MCCC1: variants seen among roughly 807,000 people sequenced by gnomAD.
The protein encoded by MCCC1 is methylcrotonyl-CoA carboxylase subunit 1, also known as methylcrotonoyl-CoA carboxylase subunit alpha, mitochondrial.
A neutral mutation model predicts 83.8 loss-of-function variants in MCCC1; 64 were observed. The observed-to-expected ratio is 0.76, with a 90% CI of 0.62 to 0.94. MCCC1 has a LOEUF of 0.94. MCCC1 is among the 40% of genes least tolerant of loss of function. The pLI is 0.00. For synonymous variants in MCCC1, 322 were observed against 315.4 expected, an observed-to-expected ratio of 1.02 and a Z score of -0.22; for missense variants, 807 against 904.7, an observed-to-expected ratio of 0.89 and a Z score of 1.39.
At chr3:183,067,998 G>C (rs936718573) in intron 7 of MCCC1, among the ~76,000 whole-genome samples, 5 of 151,960 alleles carry the variant, frequency 3.3e-5, no homozygotes, top group African/African-American at 1.2e-4. Context: ...TCTCTATACT[G>C]AACACAAGAG....
intron 3 of MCCC1, among the ~76,000 whole-genome samples, chr3:183,091,958 AG>A (rs1392929440): frequency 6.6e-6 from 1 of 152,106 alleles, no homozygotes; most frequent in Non-Finnish European, 1.5e-5. Flanking sequence ...GAATCGAGGC[AG>A]GAGAATCGCT....
chr3:183,044,844 C>G (rs1403258358), intron 10 of MCCC1, among the ~76,000 whole-genome samples: 1 of 152,084 alleles, frequency 6.6e-6, no homozygotes, highest in African/African-American at 2.4e-5. Flanking sequence ...AAGAACTGAA[C>G]CCCGTCCAAA....
intron 8 of MCCC1, among the ~76,000 whole-genome samples, chr3:183,054,351 A>AT (rs1007473696): frequency 1.2e-3 from 174 of 149,138 alleles, no homozygotes; most frequent in Non-Finnish European, 1.8e-3. Context: ...ATGCCCGGCT[A>AT]TTTTTTTTTG....
At chr3:183,027,866 A>C (rs1163183457) in intron 14 of MCCC1, among the ~76,000 whole-genome samples, 1 of 152,232 alleles carries the variant, frequency 6.6e-6, no homozygotes, top group Non-Finnish European at 1.5e-5. Flanking sequence ...CTGGTTCATG[A>C]GGTTCAAGAT....
intron 1 of MCCC1, among the ~76,000 whole-genome samples, chr3:183,095,436 C>T (rs1020976010): frequency 2.0e-5 from 3 of 152,180 alleles, no homozygotes; most frequent in South Asian, 2.1e-4. Context: ...GAGAAATAAA[C>T]GGAAGTTAAA....
chr3:183,044,438 C>A, intron 10 of MCCC1, among the ~76,000 whole-genome samples: 1 of 152,138 alleles, frequency 6.6e-6, no homozygotes. Context: ...CATAGCAATG[C>A]CAAAATGCTT....
At chr3:183,099,160 A>G (rs1718962393) in intron 1 of MCCC1, 192 bp downstream of exon 1, 4 of 632,484 alleles carry the variant, frequency 6.3e-6, no homozygotes, top group Non-Finnish European at 1.1e-5. Flanking sequence ...GCGGGGAGAA[A>G]GGGAAGGGCT....
intron 4 of MCCC1, among the ~76,000 whole-genome samples, chr3:183,085,024 C>T (rs1717787252): frequency 6.6e-6 from 1 of 152,024 alleles, no homozygotes; most frequent in South Asian, 2.1e-4. Flanking sequence ...TATGGAGGAG[C>T]CAACATCTAC....
intron 1 of MCCC1, among the ~76,000 whole-genome samples, chr3:183,094,944 C>G (rs1718632250): frequency 6.6e-6 from 1 of 152,104 alleles, no homozygotes; most frequent in Non-Finnish European, 1.5e-5. Flanking sequence ...ATACAAACTA[C>G]CCAGGACACA....
chr3:183,092,520 A>T lies in MCCC1; in HGVS notation c.162T>A (p.Ile54=). 6.2e-7 allele frequency: 1 copy of T among 1,614,156 alleles called. No homozygotes were observed. The highest frequency in any genetic ancestry group is 8.5e-7 in the Non-Finnish European group (1 of 1,180,022). Residue 54 remains isoleucine (I), a synonymous_variant, in exon 3 of 19, where the codon ATT becomes ATA. Coordinates refer to ENST00000265594, the MANE Select transcript of MCCC1 (RefSeq NM_020166.5). The stretch of plus-strand genomic sequence containing the variant: ...TGCAGGCAATTTCTCCTCTGTTTGC[A>T]ATGAGGACCTTGGTAATGTTTCTTC... The part of the protein sequence containing the change: ...ATGRNITKVL[I]ANRGEIACRV...
At chr3:183,098,210 T>G (rs1035252284) in intron 1 of MCCC1, among the ~76,000 whole-genome samples, 1 of 152,274 alleles carries the variant, frequency 6.6e-6, no homozygotes, top group African/African-American at 2.4e-5. Context: ...ATTACAGGCG[T>G]GAGCTACCGC....
At chr3:183,070,934 T>A in intron 7 of MCCC1, 65 bp downstream of exon 7, 1 of 1,504,248 alleles carries the variant, frequency 6.6e-7, no homozygotes. Flanking sequence ...TTTTATAGAA[T>A]GTGCATGCAT....
intron 1 of MCCC1, among the ~76,000 whole-genome samples, chr3:183,105,059 T>TGCAG (rs1553872588): frequency 6.6e-6 from 1 of 152,192 alleles, no homozygotes; most frequent in Non-Finnish European, 1.5e-5. Context: ...ATAATGTACA[T>TGCAG]GCAGGCCGGG....
At chr3:183,053,825 CA>C (rs1292214413) in intron 8 of MCCC1, among the ~76,000 whole-genome samples, 1 of 136,224 alleles carries the variant, frequency 7.3e-6, no homozygotes, top group Non-Finnish European at 1.6e-5. Flanking sequence ...CAAAAAAAAA[CA>C]AAAAAAAATT....
upstream of MCCC1, among the ~76,000 whole-genome samples, chr3:183,103,063 C>G (rs1402770338): frequency 6.6e-6 from 1 of 151,852 alleles, no homozygotes; most frequent in Non-Finnish European, 1.5e-5. Flanking sequence ...TGTTACAGCT[C>G]TTAAGGTGGC....
At chr3:183,080,389 G>T (rs1270339995) in intron 4 of MCCC1, among the ~76,000 whole-genome samples, 1 of 152,168 alleles carries the variant, frequency 6.6e-6, no homozygotes, top group East Asian at 1.9e-4. Flanking sequence ...CTCTACAGCA[G>T]GAATAAAATG....
At chr3:183,045,300 G>T in intron 10 of MCCC1, 113 bp downstream of exon 10, 1 of 1,279,084 alleles carries the variant, frequency 7.8e-7, no homozygotes, top group South Asian at 1.2e-5. Context: ...GGCTGGTCTC[G>T]AACTCCTGAC....
intron 7 of MCCC1, among the ~76,000 whole-genome samples, chr3:183,057,702 A>G (rs1715526527): frequency 6.6e-6 from 1 of 152,066 alleles, no homozygotes; most frequent in African/African-American, 2.4e-5. Flanking sequence ...ACATGGTGAA[A>G]CCCCAATCTC....
At chr3:183,080,447 C>G (rs976417957) in intron 4 of MCCC1, among the ~76,000 whole-genome samples, 2 of 152,170 alleles carry the variant, frequency 1.3e-5, no homozygotes, top group Admixed American at 1.3e-4. Flanking sequence ...TGCTCCAGTT[C>G]CCAACAAGTT....
Sources: allele counts gnomAD v4.1 joint callset (sites outside exome capture counted in the v4.1 genomes callset), GRCh38; gene constraint gnomAD v4.1.1; transcripts MANE v1.5; gene names NCBI Gene and HGNC (gene_info 2026-07-23, HGNC 2026-07-21).